Variants in XKR4 observed in about 807,000 individuals in gnomAD.
XKR4 encodes the protein XK-related protein 4.
XKR4 carries 12 observed loss-of-function variants against 53.9 expected under a neutral mutation model. The observed-to-expected ratio is 0.22, with a 90% CI of 0.14 to 0.36. XKR4 has a LOEUF of 0.36. Among genes scored for constraint, XKR4 ranks in the 10% least tolerant of loss-of-function variants. The probability of loss-of-function intolerance (pLI) is 1.00; values close to 1 mark genes in which losing one functional copy is unlikely to be tolerated. For missense variants in XKR4, 799 were observed against 859.5 expected, an observed-to-expected ratio of 0.93 and a Z score of 0.88; for synonymous variants, 354 against 362.4, an observed-to-expected ratio of 0.98 and a Z score of 0.26.
At position 55,533,783 on chromosome 8, in the gene XKR4, T is replaced by G. The variant is rs918163112; in HGVS notation, c.*9556T>G. Reference sequence around the variant, plus strand: ...CTCCTGCAAGGGAACATTAATCAGTTAGTGAAAAAGGAGCACTTCCGTTCA... The same window carrying G: ...CTCCTGCAAGGGAACATTAATCAGTGAGTGAAAAAGGAGCACTTCCGTTCA... On this transcript the variant is annotated 3_prime_UTR_variant, in exon 3 of 3. Coordinates refer to ENST00000327381, the MANE Select transcript of XKR4 (RefSeq NM_052898.2). 1 of 152,152 alleles carries G rather than the reference T, an allele frequency of 6.6e-6. No homozygotes were observed. The allele number at this position is 152,152 out of a possible 1,614,324, so 9.4% of individuals were successfully genotyped here. A position where few individuals can be genotyped will look rare whatever the true frequency, so the allele number is the denominator to read the frequency against.
At chr8:55,150,080 T>C (rs1427559410) in intron 1 of XKR4, among the ~76,000 whole-genome samples, 3 of 152,210 alleles carry the variant, frequency 2.0e-5, no homozygotes, top group East Asian at 3.8e-4. Context: ...TTTTCATCTG[T>C]AAAATGTGGG....
intron 1 of XKR4, among the ~76,000 whole-genome samples, chr8:55,156,891 T>G (rs1816915709): frequency 6.6e-6 from 1 of 152,198 alleles, no homozygotes; most frequent in Non-Finnish European, 1.5e-5. Flanking sequence ...AACAAGTCTC[T>G]GAGAAAATTG....
intron 1 of XKR4, among the ~76,000 whole-genome samples, chr8:55,326,303 T>C (rs975457341): frequency 1.8e-4 from 27 of 152,268 alleles, no homozygotes; most frequent in African/African-American, 6.3e-4. Flanking sequence ...GTGCTTGACA[T>C]AAATTCTAGT....
chr8:55,281,899 C>T (rs1473040773), intron 1 of XKR4, among the ~76,000 whole-genome samples: 1 of 152,292 alleles, frequency 6.6e-6, no homozygotes, highest in East Asian at 1.9e-4. Flanking sequence ...GCTAAACCTG[C>T]ATTATTCCCA....
chr8:55,454,728 CCTGA>C (rs1805531049), intron 2 of XKR4: 1 of 811,650 alleles, frequency 1.2e-6, no homozygotes, highest in South Asian at 1.4e-5. Context: ...CGAGGCTGTT[CCTGA>C]ACACCTCCGC....
rs929480393 is a variant in XKR4 at position 55,538,244 on chromosome 8, C to A, written c.*14017C>A. 4 of 152,136 alleles carry A rather than the reference C, an allele frequency of 2.6e-5. No homozygotes were observed. Among genetic ancestry groups the A allele is most frequent in the African/African-American group, 9.7e-5 (4 of 41,404 alleles). The allele number at this position is 152,136 out of a possible 1,614,324, so 9.4% of individuals were successfully genotyped here. The stretch of plus-strand genomic sequence containing the variant: ...CATCTCTCCAGCCTCAGAAACTCAC[C>A]CTCAGCCTCATTTTCCCCATATGCA... On this transcript the variant is annotated 3_prime_UTR_variant, in exon 3 of 3. Coordinates refer to ENST00000327381, the MANE Select transcript of XKR4 (RefSeq NM_052898.2).
At chr8:55,263,304 T>C (rs148281387) in intron 1 of XKR4, among the ~76,000 whole-genome samples, 1 of 152,226 alleles carries the variant, frequency 6.6e-6, no homozygotes, top group Non-Finnish European at 1.5e-5. Context: ...GTGGCCGTTG[T>C]TGCCATCACA....
rs371175554 is a variant in XKR4, at chr8:55,450,489, G to T, written c.1007-72792G>T. ...CTGCGCTGCCCCTTCTCCTCGTACAGCAGCCCCAGCTCAATGTGCTCATAG... is the reference window on the plus strand; with the variant it reads ...CTGCGCTGCCCCTTCTCCTCGTACATCAGCCCCAGCTCAATGTGCTCATAG... On this transcript the variant is annotated intron_variant, in intron 2 of 2. Transcript: ENST00000327381. The T allele has an allele frequency of 8.0e-4, 496 of 623,170 alleles. 7 individuals carry two copies. The highest frequency in any genetic ancestry group is 7.9e-3 in the South Asian group (489 of 62,030). The allele number at this position is 623,170 out of a possible 1,614,324, so 38.6% of individuals were successfully genotyped here. A position where few individuals can be genotyped will look rare whatever the true frequency, so the allele number is the denominator to read the frequency against.
intron 2 of XKR4, chr8:55,450,217 C>T: frequency 3.1e-6 from 2 of 637,576 alleles, no homozygotes; most frequent in South Asian, 3.4e-5. Flanking sequence ...ACAGCACCTG[C>T]TCTGGGGAGC....
chr8:55,204,493 A>G (rs1817617501), intron 1 of XKR4, among the ~76,000 whole-genome samples: 1 of 152,246 alleles, frequency 6.6e-6, no homozygotes, highest in East Asian at 1.9e-4. Context: ...GACAAAGAGT[A>G]TAAATATTTG....
intron 2 of XKR4, among the ~76,000 whole-genome samples, chr8:55,435,413 A>G (rs1352423619): frequency 6.6e-6 from 1 of 151,968 alleles, no homozygotes; most frequent in Non-Finnish European, 1.5e-5. Context: ...CCCTAAGGGT[A>G]CTCACAAAGA....
intron 1 of XKR4, among the ~76,000 whole-genome samples, chr8:55,230,018 A>C (rs1818009771): frequency 6.6e-6 from 1 of 151,878 alleles, no homozygotes; most frequent in Non-Finnish European, 1.5e-5. Context: ...CCTTCCTGCC[A>C]TTTCTCTCAC....
chr8:55,531,683 G>C lies in XKR4; in HGVS notation c.*7456G>C, dbSNP rs1003237518. On this transcript the variant is annotated 3_prime_UTR_variant, in exon 3 of 3. Coordinates refer to ENST00000327381, the MANE Select transcript of XKR4 (RefSeq NM_052898.2). Reference sequence around the variant, plus strand: ...ATCATTTTTGGATAAACTTTGAAGCGATTCTTGAGAACTTATTTCAAGAAA... The same window carrying C: ...ATCATTTTTGGATAAACTTTGAAGCCATTCTTGAGAACTTATTTCAAGAAA... 1 of 152,156 alleles carries C rather than the reference G, an allele frequency of 6.6e-6. No individual in the cohort carries two copies. Among genetic ancestry groups the C allele is most frequent in the Non-Finnish European group, 1.5e-5 (1 of 68,028 alleles). The allele number at this position is 152,156 out of a possible 1,614,324, so 9.4% of individuals were successfully genotyped here.
intron 1 of XKR4, among the ~76,000 whole-genome samples, chr8:55,181,984 G>A (rs140802251): frequency 1.2e-3 from 186 of 152,114 alleles, no homozygotes; most frequent in Middle Eastern, 3.4e-3. Context: ...TCTCCCAAAG[G>A]CCAAGGCTGT....
chr8:55,285,875 A>G (rs1010106647), intron 1 of XKR4, among the ~76,000 whole-genome samples: 1 of 152,142 alleles, frequency 6.6e-6, no homozygotes, highest in Non-Finnish European at 1.5e-5. Flanking sequence ...ATGTCAACCT[A>G]TTACACCTCT....
At chr8:55,200,463 T>G (rs1283933387) in intron 1 of XKR4, among the ~76,000 whole-genome samples, 1 of 152,324 alleles carries the variant, frequency 6.6e-6, no homozygotes, top group African/African-American at 2.4e-5. Flanking sequence ...GAACTTTTGG[T>G]GGATAATTTA....
rs935004000 is a variant in XKR4, at chr8:55,143,568, G to A, written c.806+40274G>A. On this transcript the variant is annotated intron_variant, in intron 1 of 2. Coordinates refer to ENST00000327381, the MANE Select transcript of XKR4 (RefSeq NM_052898.2). Reference sequence around the variant, plus strand: ...CATTTTTTCTACTTCTAGAAGAAAAGGAATCATTATTCAGAGAAGGAAATG... The same window carrying A: ...CATTTTTTCTACTTCTAGAAGAAAAAGAATCATTATTCAGAGAAGGAAATG... 3.0e-4 allele frequency among the ~76,000 whole-genome samples: 46 copies of A among 152,124 alleles called. 1 individual carries two copies. The highest frequency in any genetic ancestry group is 3.9e-4 in the Admixed American group (6 of 15,278).
rs1168264770 is a variant in XKR4 at position 55,454,509 on chromosome 8, T to C, written c.1007-68772T>C. On this transcript the variant is annotated intron_variant, in intron 2 of 2. Coordinates refer to ENST00000327381, the MANE Select transcript of XKR4 (RefSeq NM_052898.2). ...CAGACCAAAGACAGTACGTTGGTGA[T>C]GCCCAGCTGGCGGAAGAGCAGGCCA... 2.3e-6 allele frequency: 3 copies of C among 1,281,298 alleles called. No individual in the cohort carries two copies. In the African/African-American group the frequency reaches 4.4e-5, roughly 19 times the overall value. 79.4% of individuals were successfully genotyped at this position (1,281,298 alleles called of 1,614,324 possible).
chr8:55,136,975 G>A (rs1307291423), intron 1 of XKR4, among the ~76,000 whole-genome samples: 3 of 152,196 alleles, frequency 2.0e-5, no homozygotes, highest in East Asian at 1.9e-4. Flanking sequence ...GCATGAATAA[G>A]TGCCTGTTAT....
Sources: gnomAD v4.1 joint callset for allele counts (sites outside exome capture counted in the v4.1 genomes callset) on GRCh38, gnomAD v4.1.1 for gene constraint, MANE v1.5 for transcripts, NCBI Gene and HGNC (gene_info 2026-07-23, HGNC 2026-07-21) for gene names.